SPAG16: variants seen among roughly 807,000 people sequenced by gnomAD.
The protein encoded by SPAG16 is sperm-associated antigen 16 protein.
In SPAG16, 86 loss-of-function variants were observed where a neutral mutation model predicts 80.4. That is an observed-to-expected ratio of 1.07 (90% CI 0.90 to 1.28). The LOEUF is 1.28. Ranked by LOEUF, SPAG16 falls within the 50% of genes most tolerant of loss-of-function variation. SPAG16 has a pLI of 0.00. For synonymous variants in SPAG16, 294 were observed against 265.9 expected (o/e 1.11, Z -1.03); for missense variants, 870 against 765.3 (o/e 1.14, Z -1.61).
intron 15 of SPAG16, among the ~76,000 whole-genome samples, chr2:214,341,172 A>C (rs1697664305): frequency 6.6e-6 from 1 of 152,210 alleles, no homozygotes; most frequent in Admixed American, 6.5e-5. Context: ...AAAGTAAAAT[A>C]TTTAACTAGA....
intron 10 of SPAG16, among the ~76,000 whole-genome samples, chr2:213,519,503 C>T (rs2075577541): frequency 6.6e-6 from 1 of 152,154 alleles, no homozygotes; most frequent in Non-Finnish European, 1.5e-5. Flanking sequence ...TGCCTGCCGC[C>T]ATCCACATAA....
chr2:214,279,280 A>G (rs1337146806), intron 15 of SPAG16, among the ~76,000 whole-genome samples: 1 of 152,098 alleles, frequency 6.6e-6, no homozygotes, highest in Non-Finnish European at 1.5e-5. Flanking sequence ...TATTTTTAGT[A>G]AAGACTGGGT....
At chr2:213,958,954 A>C (rs1575653079) in intron 12 of SPAG16, among the ~76,000 whole-genome samples, 1 of 152,284 alleles carries the variant, frequency 6.6e-6, no homozygotes, top group East Asian at 1.9e-4. Context: ...CTGGTAACAA[A>C]CCACCTTAAT....
intron 13 of SPAG16, among the ~76,000 whole-genome samples, chr2:214,055,773 T>C: frequency 6.6e-6 from 1 of 152,202 alleles, no homozygotes; most frequent in East Asian, 1.9e-4. Context: ...ACTTAATAAA[T>C]GACTTCTAAC....
intron 10 of SPAG16, among the ~76,000 whole-genome samples, chr2:213,837,872 G>C (rs879603157): frequency 7.9e-5 from 12 of 152,202 alleles, no homozygotes; most frequent in Admixed American, 7.2e-4. Context: ...GAGCCAGAGA[G>C]AAACTGGAAG....
intron 10 of SPAG16, among the ~76,000 whole-genome samples, chr2:213,767,335 G>A (rs2068989212): frequency 1.3e-5 from 2 of 152,058 alleles, no homozygotes; most frequent in African/African-American, 4.8e-5. Flanking sequence ...CCCTTTTAGA[G>A]TAAGGAATGA....
At chr2:213,867,165 T>C (rs974228050) in intron 11 of SPAG16, among the ~76,000 whole-genome samples, 2 of 152,212 alleles carry the variant, frequency 1.3e-5, no homozygotes, top group Non-Finnish European at 2.9e-5. Flanking sequence ...AACTCATCAT[T>C]ATTACATATT....
At chr2:213,902,848 G>C (rs965834002) in intron 11 of SPAG16, among the ~76,000 whole-genome samples, 1 of 152,166 alleles carries the variant, frequency 6.6e-6, no homozygotes, top group African/African-American at 2.4e-5. Flanking sequence ...AGATACAGTG[G>C]GGGTACAGGT....
At chr2:214,293,642 G>A (rs1304974077) in intron 15 of SPAG16, among the ~76,000 whole-genome samples, 8 of 152,190 alleles carry the variant, frequency 5.3e-5, no homozygotes, top group Non-Finnish European at 1.0e-4. Flanking sequence ...GGGAGGCTGG[G>A]GCCACTCTCA....
intron 10 of SPAG16, among the ~76,000 whole-genome samples, chr2:213,619,600 C>T (rs1377464018): frequency 6.6e-6 from 1 of 151,956 alleles, no homozygotes; most frequent in Non-Finnish European, 1.5e-5. Context: ...CAAATCAAAA[C>T]CACAGTGAGA....
intron 15 of SPAG16, among the ~76,000 whole-genome samples, chr2:214,346,460 C>A (rs148206664): frequency 1.2e-4 from 19 of 152,214 alleles, no homozygotes; most frequent in Middle Eastern, 3.4e-3. Context: ...GTGACAAGTT[C>A]TTTGGCACTT....
At chr2:214,148,421 CCCTT>C (rs1280380024) in intron 14 of SPAG16, among the ~76,000 whole-genome samples, 1 of 152,088 alleles carries the variant, frequency 6.6e-6, no homozygotes, top group East Asian at 1.9e-4. Context: ...AATCCATTCA[CCCTT>C]CCTTCTGTTT....
At chr2:213,324,338 T>A (rs1199577383) in intron 5 of SPAG16, among the ~76,000 whole-genome samples, 2 of 152,172 alleles carry the variant, frequency 1.3e-5, no homozygotes, top group African/African-American at 4.8e-5. Flanking sequence ...TATATAATTT[T>A]GGCAAACGGA....
chr2:213,643,378 A>G (rs1472096232), intron 10 of SPAG16, among the ~76,000 whole-genome samples: 2 of 66,766 alleles, frequency 3.0e-5, no homozygotes, highest in African/African-American at 6.9e-5. Context: ...ATATATATAT[A>G]TATATATATA....
At chr2:214,139,660 A>G (rs2055248214) in intron 14 of SPAG16, among the ~76,000 whole-genome samples, 1 of 152,106 alleles carries the variant, frequency 6.6e-6, no homozygotes, top group Admixed American at 6.6e-5. Context: ...CTTCATTTGG[A>G]TTAATTCTGA....
intron 14 of SPAG16, among the ~76,000 whole-genome samples, chr2:214,110,660 G>C (rs1461882409): frequency 6.6e-6 from 1 of 152,180 alleles, no homozygotes; most frequent in Non-Finnish European, 1.5e-5. Flanking sequence ...CCAGTAATGG[G>C]ATGGCTGGGT....
At chr2:213,837,569 T>C (rs534607499) in intron 10 of SPAG16, among the ~76,000 whole-genome samples, 8 of 152,358 alleles carry the variant, frequency 5.3e-5, no homozygotes, top group African/African-American at 1.7e-4. Flanking sequence ...GCTATTTTCA[T>C]AGCAGTTTAA....
At chr2:214,268,995 A>G (rs1034097074) in intron 15 of SPAG16, among the ~76,000 whole-genome samples, 1 of 152,188 alleles carries the variant, frequency 6.6e-6, no homozygotes, top group East Asian at 1.9e-4. Flanking sequence ...TCATTTATAG[A>G]AAGAAACAGA....
At chr2:213,550,287 A>G (rs770350519) in intron 10 of SPAG16, among the ~76,000 whole-genome samples, 2 of 151,688 alleles carry the variant, frequency 1.3e-5, no homozygotes, top group Admixed American at 1.3e-4. Context: ...TTTAAATTCT[A>G]TGGTTATTTA....
Sources: allele counts gnomAD v4.1 joint callset (sites outside exome capture counted in the v4.1 genomes callset), GRCh38; gene constraint gnomAD v4.1.1; transcripts MANE v1.5; gene names NCBI Gene and HGNC (gene_info 2026-07-23, HGNC 2026-07-21).